GYPE: variants seen among roughly 807,000 people sequenced by gnomAD.
GYPE encodes glycophorin-E.
In GYPE, 8 loss-of-function variants were observed where a neutral mutation model predicts 11.6. That is an observed-to-expected ratio of 0.69 (90% CI 0.41 to 1.25). GYPE has a LOEUF of 1.25. Among genes scored for constraint, GYPE ranks in the 50% most tolerant of loss-of-function variants. The pLI, the probability that GYPE is intolerant of heterozygous loss-of-function variation, is 0.01. For synonymous variants in GYPE, 28 were observed against 29.6 expected (o/e 0.94, Z 0.18); for missense variants, 90 against 92.8 (o/e 0.97, Z 0.12).
chr4:143,894,184 T>C (rs1481451711), intron 1 of GYPE, among the ~76,000 whole-genome samples: 1 of 151,660 alleles, frequency 6.6e-6, no homozygotes, highest in Admixed American at 6.6e-5. Context: ...CACTTCTCTG[T>C]ATTGGTTATT....
At chr4:143,883,703 T>A (rs1297372691) in intron 1 of GYPE, among the ~76,000 whole-genome samples, 2 of 149,132 alleles carry the variant, frequency 1.3e-5, no homozygotes, top group Non-Finnish European at 3.0e-5. Context: ...GTTTAATAAA[T>A]TAAACCAAAT....
intron 2 of GYPE, among the ~76,000 whole-genome samples, chr4:143,880,130 G>A (rs1743968015): frequency 6.6e-6 from 1 of 152,156 alleles, no homozygotes; most frequent in African/African-American, 2.4e-5. Flanking sequence ...CGCACTATTA[G>A]GTCCCCTTTA....
At chr4:143,903,065 C>T (rs1468534363) in intron 1 of GYPE, among the ~76,000 whole-genome samples, 1 of 151,208 alleles carries the variant, frequency 6.6e-6, no homozygotes, top group South Asian at 2.1e-4. Flanking sequence ...AGGGTTGGCT[C>T]CATTCTCCTT....
chr4:143,898,643 G>T (rs905125115), intron 1 of GYPE, among the ~76,000 whole-genome samples: 15 of 152,000 alleles, frequency 9.9e-5, no homozygotes, highest in African/African-American at 3.6e-4. Flanking sequence ...GATAGATCAA[G>T]AAAGCAAAAA....
At chr4:143,878,812 T>C in intron 2 of GYPE, 1 of 369,720 alleles carries the variant, frequency 2.7e-6, no homozygotes, top group South Asian at 2.2e-5. Flanking sequence ...TTTCAACATC[T>C]AGCTAGTAAA....
At chr4:143,885,489 G>C (rs1280834180) in intron 1 of GYPE, among the ~76,000 whole-genome samples, 2 of 152,032 alleles carry the variant, frequency 1.3e-5, no homozygotes, top group East Asian at 3.9e-4. Context: ...TGGAAATTTT[G>C]TTCTGAAGTG....
At chr4:143,890,814 C>G (rs1245365785) in intron 1 of GYPE, among the ~76,000 whole-genome samples, 1 of 152,004 alleles carries the variant, frequency 6.6e-6, no homozygotes, top group South Asian at 2.1e-4. Flanking sequence ...TGTTTTAGAG[C>G]CACAGTCTCC....
chr4:143,894,326 C>T (rs949636436), intron 1 of GYPE, among the ~76,000 whole-genome samples: 7 of 152,168 alleles, frequency 4.6e-5, no homozygotes, highest in African/African-American at 1.4e-4. Context: ...AGTCATTATC[C>T]GTCCAGCTTT....
At chr4:143,876,449 T>A (rs1248747554) in intron 3 of GYPE, among the ~76,000 whole-genome samples, 2 of 152,202 alleles carry the variant, frequency 1.3e-5, no homozygotes, top group Non-Finnish European at 2.9e-5. Flanking sequence ...ATAAGTAGCA[T>A]CTTAATATTT....
chr4:143,882,208 T>G (rs1744045821), intron 1 of GYPE, among the ~76,000 whole-genome samples: 1 of 152,044 alleles, frequency 6.6e-6, no homozygotes, highest in African/African-American at 2.4e-5. Context: ...ACTGAATGTT[T>G]CTAAGTTGTT....
rs1158780244 is a variant in GYPE at position 143,903,538 on chromosome 4, A to AG, written c.37+1932_37+1933insC. On this transcript the variant is annotated intron_variant, in intron 1 of 3. Transcript: ENST00000358615. ...TTTTTTCATAGCAAAAAAAAAAAAA[A>AG]AAAAGAAAAAAAAAGAAAAAGACTT... Among the ~76,000 whole-genome samples, 888 of 149,580 alleles carry AG rather than the reference A, an allele frequency of 5.9e-3. 16 individuals are homozygous for AG. Among genetic ancestry groups the AG allele is most frequent in the African/African-American group, 0.021 (835 of 40,478 alleles).
chr4:143,893,806 G>A (rs112417567), intron 1 of GYPE, among the ~76,000 whole-genome samples: 4,061 of 151,934 alleles, frequency 0.027, 183 homozygotes, highest in African/African-American at 0.093. Flanking sequence ...TGCTTTTCTC[G>A]AGGAGTATCT....
At chr4:143,872,618 T>C (rs1347572203) in intron 3 of GYPE, among the ~76,000 whole-genome samples, 1 of 152,052 alleles carries the variant, frequency 6.6e-6, no homozygotes, top group Admixed American at 6.6e-5. Context: ...TTCAATGAAA[T>C]TTTACTGAGT....
At chr4:143,895,044 A>C (rs1435088669) in intron 1 of GYPE, among the ~76,000 whole-genome samples, 1 of 152,162 alleles carries the variant, frequency 6.6e-6, no homozygotes, top group Admixed American at 6.5e-5. Flanking sequence ...CCCACAGCCA[A>C]TATCATACTG....
intron 3 of GYPE, among the ~76,000 whole-genome samples, chr4:143,872,864 GGA>G (rs1271942193): frequency 1.1e-5 from 1 of 92,710 alleles, no homozygotes; most frequent in Non-Finnish European, 2.0e-5. Flanking sequence ...CCAAATGACA[GGA>G]GAGAGTGGGA....
chr4:143,879,063 C>T (rs1743920011), intron 2 of GYPE, among the ~76,000 whole-genome samples: 1 of 152,122 alleles, frequency 6.6e-6, no homozygotes, highest in African/African-American at 2.4e-5. Context: ...ATGCCAGTCC[C>T]ATGCAAAGAG....
intron 1 of GYPE, among the ~76,000 whole-genome samples, chr4:143,903,670 C>T (rs1744952111): frequency 6.6e-6 from 1 of 151,960 alleles, no homozygotes; most frequent in South Asian, 2.1e-4. Flanking sequence ...TGGAGGGTTT[C>T]TGAAGCTACG....
intron 1 of GYPE, among the ~76,000 whole-genome samples, chr4:143,898,409 A>T (rs2149915750): frequency 6.6e-6 from 1 of 152,290 alleles, no homozygotes; most frequent in East Asian, 1.9e-4. Flanking sequence ...ATAAAACCAA[A>T]CAGGAATAAC....
rs201966047 is a variant in GYPE at position 143,905,519 on chromosome 4, G to C, written c.-12C>G. 122 of 1,613,052 alleles carry C rather than the reference G, an allele frequency of 7.6e-5. No individual in the cohort carries two copies. Among genetic ancestry groups the C allele is most frequent in the Non-Finnish European group, 9.8e-5 (116 of 1,179,322 alleles). On this transcript the variant is annotated 5_prime_UTR_variant, in exon 1 of 4. Coordinates refer to ENST00000358615, the MANE Select transcript of GYPE (RefSeq NM_198682.3). ...ATTTTTCCATACATCCTGAGATCAC[G>C]AGCTGGCTCCTGAAGTTAGTGCAAA... is the stretch of plus-strand genomic sequence containing the variant.
Sources: gnomAD v4.1 joint callset for allele counts (sites outside exome capture counted in the v4.1 genomes callset) on GRCh38, gnomAD v4.1.1 for gene constraint, MANE v1.5 for transcripts, NCBI Gene and HGNC (gene_info 2026-07-23, HGNC 2026-07-21) for gene names.